The following ANXA4 variants were observed in gnomAD, a reference collection of about 807,000 sequenced individuals.
ANXA4 encodes the protein annexin A4.
A neutral mutation model predicts 49.8 loss-of-function variants in ANXA4; 39 were observed. The ratio of observed to expected loss-of-function variants is 0.78; its 90% confidence interval spans 0.61 to 1.02. The LOEUF (loss-of-function observed/expected upper bound fraction) is 1.02. Ranked by LOEUF, ANXA4 falls within the 50% of genes least tolerant of loss-of-function variation. The probability of loss-of-function intolerance (pLI) is 0.00; values close to 1 mark genes in which losing one functional copy is unlikely to be tolerated. For synonymous variants in ANXA4, 134 were observed against 152.5 expected, an observed-to-expected ratio of 0.88 and a Z score of 0.89; for missense variants, 360 against 410.1, an observed-to-expected ratio of 0.88 and a Z score of 1.05.
At chr2:69,793,206 C>T (rs1170948822) in intron 3 of ANXA4, among the ~76,000 whole-genome samples, 4 of 144,734 alleles carry the variant, frequency 2.8e-5, no homozygotes, top group South Asian at 2.1e-4. Flanking sequence ...GGGCCAAGAT[C>T]GCACTACTGC....
At chr2:69,722,967 T>A (rs1669852400) in intron 3 of ANXA4, among the ~76,000 whole-genome samples, 1 of 147,810 alleles carries the variant, frequency 6.8e-6, no homozygotes, top group Admixed American at 6.7e-5. Flanking sequence ...GGTCAGGAGA[T>A]CAAGACCATT....
chr2:69,656,410 T>C (rs149682273), intron 2 of ANXA4, among the ~76,000 whole-genome samples: 2,268 of 130,200 alleles, frequency 0.017, 414 homozygotes, highest in East Asian at 0.17. Context: ...TGTATATATA[T>C]GTATATATAT....
At chr2:69,686,125 A>C (rs768006462) in intron 2 of ANXA4, among the ~76,000 whole-genome samples, 1 of 152,160 alleles carries the variant, frequency 6.6e-6, no homozygotes, top group South Asian at 2.1e-4. Flanking sequence ...AGGCTTATGT[A>C]ATTTAACTTT....
intron 3 of ANXA4, among the ~76,000 whole-genome samples, chr2:69,731,759 A>G (rs983044924): frequency 1.3e-5 from 2 of 152,208 alleles, no homozygotes; most frequent in African/African-American, 2.4e-5. Context: ...CTGCAAATGC[A>G]TTATTTGACT....
At chr2:69,795,197 G>A (rs1158522184) in intron 3 of ANXA4, among the ~76,000 whole-genome samples, 1 of 152,186 alleles carries the variant, frequency 6.6e-6, no homozygotes, top group African/African-American at 2.4e-5. Context: ...AAAACTTAGA[G>A]GGGTCCTTTG....
intron 2 of ANXA4, among the ~76,000 whole-genome samples, chr2:69,667,089 A>G (rs545552038): frequency 6.6e-6 from 1 of 151,920 alleles, no homozygotes; most frequent in East Asian, 1.9e-4. Context: ...AAAATAAAAT[A>G]AAATAAAATA....
intron 2 of ANXA4, among the ~76,000 whole-genome samples, chr2:69,712,772 T>TCG (rs2105409969): frequency 6.6e-6 from 1 of 152,324 alleles, no homozygotes; most frequent in Admixed American, 6.5e-5. Flanking sequence ...TTTTCAGATG[T>TCG]GCCTAGAAGA....
intron 3 of ANXA4, among the ~76,000 whole-genome samples, chr2:69,801,355 C>T (rs1317532621): frequency 6.6e-6 from 1 of 151,670 alleles, no homozygotes; most frequent in Admixed American, 6.6e-5. Flanking sequence ...CTTTTTGTTA[C>T]AAGGGAAGTT....
Position 69,818,755 on chromosome 2 carries a change from T to C in ANXA4, c.724+61T>C, listed in dbSNP as rs1359661708. ...ATAGATTTTCCTTCTCATTATCAGT[T>C]TGCAATATGGGGATATAGAATTATT... On this transcript the variant is annotated intron_variant, in intron 10 of 12. Coordinates refer to ENST00000394295, the MANE Select transcript of ANXA4 (RefSeq NM_001153.5). 9 of 1,061,426 alleles carry C rather than the reference T, an allele frequency of 8.5e-6. No individual in the cohort carries two copies. The Admixed American group carries it at 1.7e-4, about 19-fold the overall frequency. 65.8% of individuals were successfully genotyped at this position (1,061,426 alleles called of 1,614,324 possible).
chr2:69,659,582 C>T (rs1359305536), intron 2 of ANXA4, among the ~76,000 whole-genome samples: 1 of 152,096 alleles, frequency 6.6e-6, no homozygotes, highest in East Asian at 1.9e-4. Flanking sequence ...GTGTCAAATA[C>T]AAGTATTTGG....
chr2:69,665,964 G>A (rs11895472), intron 2 of ANXA4, among the ~76,000 whole-genome samples: 9,755 of 152,194 alleles, frequency 0.064, 1,023 homozygotes, highest in East Asian at 0.36. Flanking sequence ...CAGCACTTTG[G>A]GAGCCTGAGG....
intron 1 of ANXA4, among the ~76,000 whole-genome samples, chr2:69,755,217 G>A (rs747493100): frequency 1.3e-4 from 20 of 152,204 alleles, no homozygotes; most frequent in Non-Finnish European, 2.8e-4. Flanking sequence ...ACTGTTTCAC[G>A]TGTTCGGAGT....
chr2:69,817,856 C>T (rs1674066461), intron 9 of ANXA4: 1 of 152,190 alleles, frequency 6.6e-6, no homozygotes, highest in South Asian at 2.1e-4. Flanking sequence ...GTGAGCTGCT[C>T]AATTAAAAAG....
chr2:69,825,550 C>T lies in ANXA4; in HGVS notation c.*35C>T, dbSNP rs778830871. ...CCCAGAAGGACAGGAGGATTCTCAA[C>T]ACTTTGAATTTTTTTAACTTCATTT... On this transcript the variant is annotated 3_prime_UTR_variant, in exon 13 of 13. Transcript: ENST00000394295. 2.6e-6 allele frequency: 4 copies of T among 1,542,932 alleles called. No homozygotes were observed. In the East Asian group the frequency reaches 6.8e-5, roughly 26 times the overall value.
At chr2:69,657,607 G>A (rs993361959) in intron 2 of ANXA4, among the ~76,000 whole-genome samples, 8 of 151,972 alleles carry the variant, frequency 5.3e-5, no homozygotes, top group Non-Finnish European at 1.0e-4. Context: ...ATTTTATGCT[G>A]GGAATTCATT....
At chr2:69,762,389 GAA>G (rs557937181) in intron 1 of ANXA4, among the ~76,000 whole-genome samples, 20 of 133,402 alleles carry the variant, frequency 1.5e-4, no homozygotes, top group African/African-American at 2.1e-4. Flanking sequence ...CCGTCTAGGG[GAA>G]AAAAAAAAAA....
intron 2 of ANXA4, among the ~76,000 whole-genome samples, chr2:69,665,459 G>T (rs769227645): frequency 6.6e-6 from 1 of 152,130 alleles, no homozygotes; most frequent in Non-Finnish European, 1.5e-5. Context: ...AATCATGAGA[G>T]ATAACAACAA....
chr2:69,819,825 T>C (rs1674154543), intron 11 of ANXA4, among the ~76,000 whole-genome samples: 2 of 152,046 alleles, frequency 1.3e-5, no homozygotes, highest in Non-Finnish European at 1.5e-5. Flanking sequence ...CCCAGCACTT[T>C]GGGAGGCTGA....
intron 2 of ANXA4, among the ~76,000 whole-genome samples, chr2:69,691,946 C>T (rs149558147): frequency 2.2e-3 from 336 of 152,264 alleles, no homozygotes; most frequent in African/African-American, 7.3e-3. Flanking sequence ...AGTGCAGTGG[C>T]GTGATCTTGG....
Sources: gnomAD v4.1 joint callset for allele counts (sites outside exome capture counted in the v4.1 genomes callset) on GRCh38, gnomAD v4.1.1 for gene constraint, MANE v1.5 for transcripts, NCBI Gene and HGNC (gene_info 2026-07-23, HGNC 2026-07-21) for gene names.